The following TBL1XR1 variants were observed in gnomAD, a reference collection of about 807,000 sequenced individuals.
TBL1XR1 encodes F-box-like/WD repeat-containing protein TBL1XR1.
In TBL1XR1, 5 loss-of-function variants were observed where a neutral mutation model predicts 66.9. The ratio of observed to expected loss-of-function variants is 0.07; its 90% confidence interval spans 0.04 to 0.16. The LOEUF (loss-of-function observed/expected upper bound fraction) is 0.16. Among genes scored for constraint, TBL1XR1 ranks in the 10% least tolerant of loss-of-function variants. The pLI, the probability that TBL1XR1 is intolerant of heterozygous loss-of-function variation, is 1.00. For synonymous variants in TBL1XR1, 210 were observed against 206.0 expected (o/e 1.02, Z -0.17); for missense variants, 238 against 623.2 (o/e 0.38, Z 6.58).
intron 1 of TBL1XR1, among the ~76,000 whole-genome samples, chr3:177,108,035 A>G (rs1274813843): frequency 6.6e-6 from 1 of 151,832 alleles, no homozygotes; most frequent in Non-Finnish European, 1.5e-5. Context: ...AAAAAAAAAA[A>G]GATAACACAC....
At chr3:177,181,464 A>G (rs993832323) in intron 1 of TBL1XR1, among the ~76,000 whole-genome samples, 2 of 141,200 alleles carry the variant, frequency 1.4e-5, no homozygotes, top group Admixed American at 7.2e-5. Flanking sequence ...TGAGTGACAG[A>G]GCCAGACTCC....
At chr3:177,103,989 G>A (rs1267710775) in intron 1 of TBL1XR1, among the ~76,000 whole-genome samples, 2 of 151,946 alleles carry the variant, frequency 1.3e-5, no homozygotes, top group African/African-American at 4.8e-5. Context: ...GGTGGCAGAT[G>A]CCTGTAATCC....
At chr3:177,065,787 T>C (rs1455635302) in intron 2 of TBL1XR1, among the ~76,000 whole-genome samples, 2 of 152,216 alleles carry the variant, frequency 1.3e-5, no homozygotes, top group Non-Finnish European at 2.9e-5. Context: ...ATACAGCCTG[T>C]TACAATTACT....
intron 3 of TBL1XR1, among the ~76,000 whole-genome samples, chr3:177,063,001 G>A (rs1418420910): frequency 6.6e-6 from 1 of 151,932 alleles, no homozygotes; most frequent in Non-Finnish European, 1.5e-5. Flanking sequence ...AGGCATGGTG[G>A]TGCATGCCTA....
intron 1 of TBL1XR1, among the ~76,000 whole-genome samples, chr3:177,195,131 A>G (rs371737490): frequency 2.4e-4 from 37 of 152,268 alleles, no homozygotes; most frequent in African/African-American, 8.7e-4. Flanking sequence ...AACGTCAAAA[A>G]AAATAGTAGT....
At chr3:177,078,876 G>A (rs1298798054) in intron 2 of TBL1XR1, 1 of 151,580 alleles carries the variant, frequency 6.6e-6, no homozygotes, top group Non-Finnish European at 1.5e-5. Context: ...GTGAACCCGG[G>A]AGGCAGAGCT....
intron 2 of TBL1XR1, among the ~76,000 whole-genome samples, chr3:177,093,572 A>ATACT (rs1450950201): frequency 2.0e-5 from 3 of 152,210 alleles, no homozygotes; most frequent in Non-Finnish European, 2.9e-5. Context: ...ATCTCAAACT[A>ATACT]TACTATAAGG....
chr3:177,023,835 T>C lies in TBL1XR1; in HGVS notation c.*1663A>G, dbSNP rs1334017764. Reference sequence around the variant, plus strand: ...ATAATTAGTGACAGAAATAGTGTTATTAATTTGCTAAGCTCAACAATAAGC... The same window carrying C: ...ATAATTAGTGACAGAAATAGTGTTACTAATTTGCTAAGCTCAACAATAAGC... On this transcript the variant is annotated 3_prime_UTR_variant, in exon 16 of 16. Coordinates refer to ENST00000457928, the MANE Select transcript of TBL1XR1 (RefSeq NM_024665.7). 6.6e-6 allele frequency: 1 copy of C among 152,346 alleles called. No homozygotes were observed. The highest frequency in any genetic ancestry group is 2.4e-5 in the African/African-American group (1 of 41,452). The allele number at this position is 152,346 out of a possible 1,614,324, so 9.4% of individuals were successfully genotyped here.
intron 2 of TBL1XR1, among the ~76,000 whole-genome samples, chr3:177,070,480 A>AGTATGAC: frequency 6.6e-6 from 1 of 152,384 alleles, no homozygotes; most frequent in African/African-American, 2.4e-5. Flanking sequence ...ATTTTCAATA[A>AGTATGAC]CTAAGCAGTA....
chr3:177,047,591 C>T (rs369050450), intron 7 of TBL1XR1, 42 bp from the exon 8 acceptor site: 19 of 1,557,726 alleles, frequency 1.2e-5, no homozygotes, highest in African/African-American at 5.4e-5. Context: ...AATCTAGATA[C>T]GGTATTTAAT....
chr3:177,190,079 G>A (rs1370324832), intron 1 of TBL1XR1, among the ~76,000 whole-genome samples: 2 of 135,120 alleles, frequency 1.5e-5, no homozygotes, highest in Non-Finnish European at 3.0e-5. Context: ...GTTTCAGTGA[G>A]CCAAGCATGT....
intron 1 of TBL1XR1, among the ~76,000 whole-genome samples, chr3:177,127,899 T>A (rs937197062): frequency 6.6e-6 from 1 of 152,170 alleles, no homozygotes; most frequent in East Asian, 1.9e-4. Flanking sequence ...AAACATTTAC[T>A]ATCAGTTATC....
intron 1 of TBL1XR1, among the ~76,000 whole-genome samples, chr3:177,193,484 T>G (rs1736429968): frequency 6.6e-6 from 1 of 152,090 alleles, no homozygotes; most frequent in Non-Finnish European, 1.5e-5. Flanking sequence ...CTAATTTGTG[T>G]ATTTTTAGTA....
intron 2 of TBL1XR1, among the ~76,000 whole-genome samples, chr3:177,076,829 C>A (rs9838212): frequency 0.22 from 33,650 of 152,118 alleles, 4,077 homozygotes; most frequent in East Asian, 0.5. Flanking sequence ...AGAATTTAAG[C>A]ATTCTTTTTT....
intron 1 of TBL1XR1, chr3:177,131,242 A>T: frequency 1.6e-6 from 1 of 621,120 alleles, no homozygotes; most frequent in Non-Finnish European, 2.0e-6. Flanking sequence ...CTCTTCATTC[A>T]AAGACACATA....
At chr3:177,135,011 TCTGTCACTCAGGCTGGAGTGCAGTG>T (rs1433670858) in intron 1 of TBL1XR1, among the ~76,000 whole-genome samples, 8 of 124,210 alleles carry the variant, frequency 6.4e-5, no homozygotes, top group South Asian at 2.3e-4. Flanking sequence ...GGCGTCTTGC[TCTGTCACTCAGGCTGGAGTGCAGTG>T]CTGTCACTCA....
At chr3:177,068,982 C>T (rs1034451023) in intron 2 of TBL1XR1, among the ~76,000 whole-genome samples, 1 of 152,204 alleles carries the variant, frequency 6.6e-6, no homozygotes, top group Admixed American at 6.5e-5. Context: ...ATGTGACGAA[C>T]TTAAATTACT....
intron 1 of TBL1XR1, chr3:177,126,120 T>C (rs1727595535): frequency 6.6e-6 from 1 of 152,230 alleles, no homozygotes; most frequent in South Asian, 2.1e-4. Flanking sequence ...AAAGTGAGCA[T>C]CAGTTACCGC....
intron 2 of TBL1XR1, among the ~76,000 whole-genome samples, chr3:177,088,380 T>C (rs578118886): frequency 2.6e-5 from 4 of 152,150 alleles, no homozygotes; most frequent in Non-Finnish European, 5.9e-5. Context: ...TATATATATA[T>C]AAGGAGTATA....
Sources: allele counts gnomAD v4.1 joint callset (sites outside exome capture counted in the v4.1 genomes callset), GRCh38; gene constraint gnomAD v4.1.1; transcripts MANE v1.5; gene names NCBI Gene and HGNC (gene_info 2026-07-23, HGNC 2026-07-21).